CNOT2: variants seen among roughly 807,000 people sequenced by gnomAD.
The protein encoded by CNOT2 is CCR4-NOT transcription complex subunit 2.
In CNOT2, 7 loss-of-function variants were observed where a neutral mutation model predicts 72.1. The observed-to-expected ratio is 0.10, with a 90% CI of 0.06 to 0.18. The LOEUF (loss-of-function observed/expected upper bound fraction) is 0.18, where lower values mean the gene tolerates loss of function less well. Among genes scored for constraint, CNOT2 ranks in the 10% least tolerant of loss-of-function variants. CNOT2 has a pLI of 1.00. For synonymous variants in CNOT2, 196 were observed against 225.6 expected, an observed-to-expected ratio of 0.87 and a Z score of 1.17; for missense variants, 345 against 660.3, an observed-to-expected ratio of 0.52 and a Z score of 5.23.
chr12:70,318,786 T>C (rs1000607966), intron 3 of CNOT2, among the ~76,000 whole-genome samples: 13 of 151,892 alleles, frequency 8.6e-5, no homozygotes, highest in African/African-American at 2.7e-4. Flanking sequence ...CACACACATA[T>C]TTTCATTTAC....
At chr12:70,244,198 T>G (rs916196213) in intron 1 of CNOT2, 18 of 152,194 alleles carry the variant, frequency 1.2e-4, no homozygotes, top group African/African-American at 1.7e-4. Flanking sequence ...AGGTGAAGCT[T>G]CCGTAGTGTC....
At chr12:70,244,380 T>TA (rs2135671880) in intron 1 of CNOT2, 1 of 152,370 alleles carries the variant, frequency 6.6e-6, no homozygotes, top group South Asian at 2.1e-4. Flanking sequence ...GAGGCCTTTG[T>TA]AGTTCTTCAT....
intron 1 of CNOT2, among the ~76,000 whole-genome samples, chr12:70,266,928 A>G (rs1959077396): frequency 6.6e-6 from 1 of 152,044 alleles, no homozygotes; most frequent in African/African-American, 2.4e-5. Context: ...GGATTTAGAT[A>G]AACCCTTTGC....
At chr12:70,268,378 C>G (rs760671836) in intron 1 of CNOT2, among the ~76,000 whole-genome samples, 21 of 152,038 alleles carry the variant, frequency 1.4e-4, no homozygotes, top group South Asian at 4.2e-4. Flanking sequence ...ATACCCACTG[C>G]CATTCTTGAT....
chr12:70,249,238 C>T (rs1206707982), intron 1 of CNOT2, among the ~76,000 whole-genome samples: 1 of 151,762 alleles, frequency 6.6e-6, no homozygotes, highest in Non-Finnish European at 1.5e-5. Context: ...TAGTTTTCTG[C>T]TTGTAAGAAT....
At chr12:70,292,183 C>T (rs1482321683) in intron 2 of CNOT2, among the ~76,000 whole-genome samples, 2 of 152,162 alleles carry the variant, frequency 1.3e-5, no homozygotes. Context: ...GGAATATATG[C>T]ATCACATATG....
At chr12:70,335,690 T>G in intron 8 of CNOT2, 127 bp downstream of exon 8, 1 of 627,250 alleles carries the variant, frequency 1.6e-6, no homozygotes, top group East Asian at 2.9e-5. Flanking sequence ...TCTAATCAGG[T>G]TAGTGTAATT....
At chr12:70,249,736 A>T (rs1169176896) in intron 1 of CNOT2, among the ~76,000 whole-genome samples, 1 of 152,092 alleles carries the variant, frequency 6.6e-6, no homozygotes, top group African/African-American at 2.4e-5. Flanking sequence ...TCATATTTTT[A>T]AAAATTAGAA....
chr12:70,342,164 C>T lies in CNOT2; in HGVS notation c.1236C>T (p.Asp412=), dbSNP rs533846401. The change falls in exon 12 of 16, where the codon GAC becomes GAT. Residue 412 remains aspartate (D), a synonymous_variant. Coordinates refer to ENST00000229195, the MANE Select transcript of CNOT2 (RefSeq NM_014515.7). ...PWASSPCRPQ[D]IDFHVPSEYL... is the part of the protein sequence containing the mutation. ...CATCTTCACCTTGTCGACCTCAAGA[C>T]ATAGGTAGGAGAATCTATTTGTGTT... 1 of 1,610,644 alleles carries T rather than the reference C, an allele frequency of 6.2e-7. No individual in the cohort carries two copies. Among genetic ancestry groups the T allele is most frequent in the Admixed American group, 1.7e-5 (1 of 60,018 alleles).
At chr12:70,342,387 A>G (rs911513208) in intron 13 of CNOT2, 80 bp downstream of exon 13, 10 of 1,500,100 alleles carry the variant, frequency 6.7e-6, no homozygotes, top group African/African-American at 2.8e-5. Context: ...GCAGCATACT[A>G]TTTTTGAAAT....
intron 1 of CNOT2, among the ~76,000 whole-genome samples, chr12:70,247,047 T>G (rs939133154): frequency 1.3e-5 from 2 of 152,202 alleles, no homozygotes; most frequent in Non-Finnish European, 2.9e-5. Flanking sequence ...AAATTTTTCC[T>G]TTTCTGGGCA....
At chr12:70,338,619 T>G (rs776589137) in intron 10 of CNOT2, 47 bp from the exon 11 acceptor site, 2 of 1,596,758 alleles carry the variant, frequency 1.3e-6, no homozygotes, top group Non-Finnish European at 1.7e-6. Context: ...TTTTCTATTT[T>G]TTAACTTTTT....
At chr12:70,339,014 ATGTGTGTG>A (rs143055295) in intron 11 of CNOT2, among the ~76,000 whole-genome samples, 192 bp downstream of exon 11, 2,327 of 131,020 alleles carry the variant, frequency 0.018, 39 homozygotes, top group African/African-American at 0.052. Context: ...TTGGCATTTT[ATGTGTGTG>A]TGTGTGTGTG....
chr12:70,353,571 G>T (rs779254088), intron 15 of CNOT2, among the ~76,000 whole-genome samples: 10 of 151,838 alleles, frequency 6.6e-5, no homozygotes, highest in Non-Finnish European at 1.0e-4. Context: ...CAACATTTCA[G>T]TGTCAAGTGG....
At position 70,254,065 on chromosome 12, in the gene CNOT2, C is replaced by T. The variant is rs149209244; in HGVS notation, c.-96+10585C>T. On this transcript the variant is annotated intron_variant, in intron 1 of 15. Transcript: ENST00000229195. ...CATCCTGGCTAGCACGATGAAACCC[C>T]GCCTCTACTAAAAAATACAAAAATT... Among the ~76,000 whole-genome samples, 930 of 151,956 alleles carry T rather than the reference C, an allele frequency of 6.1e-3. 9 individuals are homozygous for T. Among genetic ancestry groups the T allele is most frequent in the African/African-American group, 0.018 (762 of 41,434 alleles).
chr12:70,343,814 TA>T (rs1881815384), intron 13 of CNOT2: 1 of 222,986 alleles, frequency 4.5e-6, no homozygotes, highest in Non-Finnish European at 8.7e-6. Context: ...ATGCTATTGT[TA>T]GGTTCTTTTC....
Position 70,335,541 on chromosome 12 carries a change from C to T in CNOT2, c.753C>T (p.Pro251=). Residue 251 remains proline, a synonymous_variant, in exon 8 of 16, where the codon CCC becomes CCT. Coordinates refer to ENST00000229195, the MANE Select transcript of CNOT2 (RefSeq NM_014515.7). ...GTAACCCAACTCCATTAATAAACCCCTTGGCTGGAAGAGCTCCTTATGGTA... is the reference window on the plus strand; with the variant it reads ...GTAACCCAACTCCATTAATAAACCCTTTGGCTGGAAGAGCTCCTTATGGTA... The part of the protein sequence containing the change: ...GSGNPTPLIN[P]LAGRAPYVGM... 1.9e-6 allele frequency: 3 copies of T among 1,611,140 alleles called. No individual in the cohort carries two copies. Among genetic ancestry groups the T allele is most frequent in the African/African-American group, 1.3e-5 (1 of 74,906 alleles).
intron 1 of CNOT2, among the ~76,000 whole-genome samples, chr12:70,276,821 G>T (rs79001484): frequency 6.6e-6 from 1 of 151,864 alleles, no homozygotes; most frequent in Non-Finnish European, 1.5e-5. Flanking sequence ...TTGGCTAAAC[G>T]TACACTGTAA....
chr12:70,249,608 T>C (rs1958040483), intron 1 of CNOT2, among the ~76,000 whole-genome samples: 1 of 152,066 alleles, frequency 6.6e-6, no homozygotes, highest in Non-Finnish European at 1.5e-5. Context: ...TTTGTTTGCA[T>C]CTGATCATCT....
Sources: allele counts gnomAD v4.1 joint callset (sites outside exome capture counted in the v4.1 genomes callset), GRCh38; gene constraint gnomAD v4.1.1; transcripts MANE v1.5; gene names NCBI Gene and HGNC (gene_info 2026-07-23, HGNC 2026-07-21).